The following TFCP2L1 variants were observed in gnomAD, a reference collection of about 807,000 sequenced individuals.
TFCP2L1 encodes transcription factor CP2 like 1, also known as transcription factor CP2-like protein 1.
TFCP2L1 carries 12 observed loss-of-function variants against 72.2 expected under a neutral mutation model. That is an observed-to-expected ratio of 0.17 (90% CI 0.11 to 0.27). The LOEUF is 0.27. Among genes scored for constraint, TFCP2L1 ranks in the 10% least tolerant of loss-of-function variants. The pLI is 1.00. For synonymous variants in TFCP2L1, 260 were observed against 251.0 expected, an observed-to-expected ratio of 1.04 and a Z score of -0.34; for missense variants, 488 against 624.6, an observed-to-expected ratio of 0.78 and a Z score of 2.33.
chr2:121,273,565 C>G (rs1474699505), intron 2 of TFCP2L1, among the ~76,000 whole-genome samples: 1 of 152,192 alleles, frequency 6.6e-6, no homozygotes. Flanking sequence ...CTATGAAACA[C>G]ACATGTCCAA....
At chr2:121,240,090 A>G in intron 7 of TFCP2L1, 2 of 985,426 alleles carry the variant, frequency 2.0e-6, no homozygotes, top group Non-Finnish European at 2.4e-6. Flanking sequence ...AGTAAGAGTC[A>G]GTATTAAAAC....
In TFCP2L1 at chr2:121,248,180, G is replaced by A. The variant is rs768914903; in HGVS notation, c.488C>T (p.Ala163Val). The A allele has an allele frequency of 1.2e-6, 2 of 1,613,864 alleles. No homozygotes were observed. The highest frequency in any genetic ancestry group is 3.3e-5 in the Admixed American group (2 of 60,002). ...VEFLWDPAKR[A>V]SAFIQVHCIS... ...GTGGCCCACCTGAATGAATGCAGAAGCTCTCTTCGCAGGGTCCCACAAAAA... is the reference window on the plus strand; with the variant it reads ...GTGGCCCACCTGAATGAATGCAGAAACTCTCTTCGCAGGGTCCCACAAAAA... The change falls in exon 5 of 15, where the codon GCT becomes GTT. Residue 163 changes from alanine to valine, a missense_variant. Physicochemically the swap from Ala to Val is moderately conservative, Grantham distance 64. Coordinates refer to ENST00000263707, the MANE Select transcript of TFCP2L1 (RefSeq NM_014553.3).
intron 1 of TFCP2L1, 130 bp from the exon 2 acceptor site, chr2:121,281,401 C>CT: frequency 1.0e-6 from 1 of 989,196 alleles, no homozygotes; most frequent in Non-Finnish European, 1.5e-6. Flanking sequence ...TCGCAGGGTG[C>CT]TGGCTGCACT....
chr2:121,267,808 T>C (rs896868531), intron 2 of TFCP2L1, among the ~76,000 whole-genome samples: 2 of 152,168 alleles, frequency 1.3e-5, no homozygotes, highest in Non-Finnish European at 2.9e-5. Context: ...AAAAATCATG[T>C]CTATGTGCTA....
chr2:121,268,444 C>T (rs1686977878), intron 2 of TFCP2L1, among the ~76,000 whole-genome samples: 1 of 152,084 alleles, frequency 6.6e-6, no homozygotes, highest in East Asian at 1.9e-4. Context: ...GCCTCAACCT[C>T]CTGGGCTCAA....
At chr2:121,228,532 G>A (rs1464926484) in intron 13 of TFCP2L1, among the ~76,000 whole-genome samples, 1 of 151,802 alleles carries the variant, frequency 6.6e-6, no homozygotes, top group Non-Finnish European at 1.5e-5. Flanking sequence ...GGCCAAGGCA[G>A]GTGAACTGCT....
chr2:121,242,433 C>T lies in TFCP2L1; in HGVS notation c.694G>A (p.Glu232Lys), dbSNP rs374483735. 1.9e-6 allele frequency: 3 copies of T among 1,614,056 alleles called. No individual in the cohort carries two copies. The highest frequency in any genetic ancestry group is 1.7e-6 in the Non-Finnish European group (2 of 1,180,032). Residue 232 changes from glutamate (E) to lysine (K), a missense_variant, in exon 7 of 15, where the codon GAG becomes AAG. Around this residue, in one of 3 missense-constraint regions of TFCP2L1, gnomAD observed 286 missense variants for 329.0 expected, o/e 0.87. Coordinates refer to ENST00000263707, the MANE Select transcript of TFCP2L1 (RefSeq NM_014553.3). ...TGGGCAGTTCTTTTCTCCATCTTCT[C>T]CCGGTCAGTCTTCTGTTTCCGATCG... ...GADRKQKTDR[E>K]KMEKRTAQEK...
rs1685854446 is a variant in TFCP2L1 at position 121,217,393 on chromosome 2, G to A, written c.*6948C>T. 2 of 152,324 alleles carry A rather than the reference G, an allele frequency of 1.3e-5. No homozygotes were observed. The highest frequency in any genetic ancestry group is 2.1e-4 in the South Asian group (1 of 4,832). 9.4% of individuals were successfully genotyped at this position (152,324 alleles called of 1,614,324 possible). On this transcript the variant is annotated 3_prime_UTR_variant, in exon 15 of 15. Coordinates refer to ENST00000263707, the MANE Select transcript of TFCP2L1 (RefSeq NM_014553.3). ...CCAGGGGTGCACAGAGGCTGGACAA[G>A]CCACAGGGGGCTGGATGGCCACAGC...
At chr2:121,239,429 G>T in intron 8 of TFCP2L1, 129 bp downstream of exon 8, 3 of 978,130 alleles carry the variant, frequency 3.1e-6, no homozygotes, top group South Asian at 1.4e-5. Flanking sequence ...AGACAGTTGT[G>T]ACTGCAACAC....
chr2:121,264,194 C>T (rs931493121), intron 2 of TFCP2L1, among the ~76,000 whole-genome samples: 1 of 152,186 alleles, frequency 6.6e-6, no homozygotes, highest in Non-Finnish European at 1.5e-5. Flanking sequence ...CCCACCCAGC[C>T]ACTGGCTTTC....
intron 2 of TFCP2L1, among the ~76,000 whole-genome samples, chr2:121,278,980 G>C (rs188266447): frequency 2.2e-4 from 34 of 152,142 alleles, no homozygotes; most frequent in Non-Finnish European, 4.0e-4. Flanking sequence ...CTCCAGCCTG[G>C]GAGACAGAGC....
At chr2:121,233,857 TC>T (rs1213693922) in intron 12 of TFCP2L1, among the ~76,000 whole-genome samples, 1 of 151,904 alleles carries the variant, frequency 6.6e-6, no homozygotes, top group African/African-American at 2.4e-5. Flanking sequence ...CCCAACACCT[TC>T]CCAAGCCTCG....
intron 1 of TFCP2L1, among the ~76,000 whole-genome samples, chr2:121,283,049 T>C (rs925870940): frequency 6.6e-6 from 1 of 152,202 alleles, no homozygotes; most frequent in Non-Finnish European, 1.5e-5. Context: ...ACACTGAGGA[T>C]TGCATAATTT....
chr2:121,272,475 C>G (rs746382550), intron 2 of TFCP2L1, among the ~76,000 whole-genome samples: 1 of 152,134 alleles, frequency 6.6e-6, no homozygotes, highest in Non-Finnish European at 1.5e-5. Flanking sequence ...TTATGTCCCT[C>G]GTGTGGTTGT....
At chr2:121,236,999 G>C (rs1021893415) in intron 10 of TFCP2L1, among the ~76,000 whole-genome samples, 1 of 152,210 alleles carries the variant, frequency 6.6e-6, no homozygotes, top group African/African-American at 2.4e-5. Flanking sequence ...TGCGGGCGTC[G>C]TTTCTCTTCC....
intron 2 of TFCP2L1, among the ~76,000 whole-genome samples, chr2:121,266,329 A>G (rs1263973011): frequency 1.3e-5 from 2 of 152,130 alleles, no homozygotes; most frequent in Non-Finnish European, 2.9e-5. Context: ...AGTTAGTGGC[A>G]GAAGGAAAGT....
At chr2:121,249,143 AC>A in intron 3 of TFCP2L1, 56 bp from the exon 4 acceptor site, 1 of 1,327,404 alleles carries the variant, frequency 7.5e-7, no homozygotes, top group Admixed American at 2.7e-5. Context: ...AGAGGAACCC[AC>A]CTCTTTTCCC....
intron 2 of TFCP2L1, among the ~76,000 whole-genome samples, chr2:121,264,166 C>T (rs1686884086): frequency 1.3e-5 from 2 of 152,180 alleles, no homozygotes; most frequent in African/African-American, 4.8e-5. Flanking sequence ...GACCCCAGGT[C>T]TCGAAGGCAG....
intron 2 of TFCP2L1, among the ~76,000 whole-genome samples, chr2:121,269,164 TG>T (rs1686993082): frequency 6.6e-6 from 1 of 152,144 alleles, no homozygotes; most frequent in Admixed American, 6.6e-5. Flanking sequence ...AAAACTTTTA[TG>T]GCTGGGCGCA....
Sources: gnomAD v4.1 joint callset for allele counts (sites outside exome capture counted in the v4.1 genomes callset) on GRCh38, gnomAD v4.1.1 for gene constraint, gnomAD v4.1.1 regional missense constraint, MANE v1.5 for transcripts, NCBI Gene and HGNC (gene_info 2026-07-23, HGNC 2026-07-21) for gene names.